The following NELL2 variants were observed in gnomAD, a reference collection of about 807,000 sequenced individuals.
The protein encoded by NELL2 is neural EGFL like 2, also known as protein kinase C-binding protein NELL2.
In NELL2, 41 loss-of-function variants were observed where a neutral mutation model predicts 109.6. The ratio of observed to expected loss-of-function variants is 0.37; its 90% CI spans 0.29 to 0.49. The LOEUF is 0.49. Among genes scored for constraint, NELL2 ranks in the 20% least tolerant of loss-of-function variants. NELL2 has a pLI of 0.98. For synonymous variants in NELL2, 355 were observed against 344.7 expected, an observed-to-expected ratio of 1.03 and a Z score of -0.33; for missense variants, 900 against 1,008.3, an observed-to-expected ratio of 0.89 and a Z score of 1.45.
chr12:44,579,809 G>GA (rs144002970), intron 15 of NELL2, among the ~76,000 whole-genome samples: 3 of 151,848 alleles, frequency 2.0e-5, no homozygotes, highest in South Asian at 2.1e-4. Flanking sequence ...TGTGAGACTA[G>GA]AAAAAAAATC....
At chr12:44,643,309 T>C in intron 13 of NELL2, among the ~76,000 whole-genome samples, 1 of 152,202 alleles carries the variant, frequency 6.6e-6, no homozygotes, top group East Asian at 1.9e-4. Context: ...AGAGCTACAA[T>C]ACCATTCTAA....
chr12:44,803,135 T>C (rs1462718035), intron 3 of NELL2, among the ~76,000 whole-genome samples: 1 of 151,976 alleles, frequency 6.6e-6, no homozygotes, highest in African/African-American at 2.4e-5. Context: ...AAGTAAACAC[T>C]GGACAGACCC....
chr12:44,905,770 T>G (rs183442572), intron 1 of NELL2, among the ~76,000 whole-genome samples: 4 of 152,154 alleles, frequency 2.6e-5, no homozygotes, highest in African/African-American at 9.6e-5. Flanking sequence ...AGGGGGACCT[T>G]TGGTCTGAAT....
At chr12:44,702,805 T>C (rs1049041816) in intron 12 of NELL2, among the ~76,000 whole-genome samples, 1 of 151,458 alleles carries the variant, frequency 6.6e-6, no homozygotes, top group African/African-American at 2.5e-5. Flanking sequence ...ATAAGGATTT[T>C]TAAGAAAAAG....
At chr12:44,852,002 ATC>A (rs1944548501) in intron 2 of NELL2, among the ~76,000 whole-genome samples, 1 of 152,178 alleles carries the variant, frequency 6.6e-6, no homozygotes, top group Admixed American at 6.5e-5. Flanking sequence ...AAAAGCAAGT[ATC>A]TCTGCAAAAA....
At chr12:44,568,997 C>T (rs1237241301) in intron 15 of NELL2, among the ~76,000 whole-genome samples, 5 of 151,910 alleles carry the variant, frequency 3.3e-5, no homozygotes, top group Admixed American at 1.3e-4. Context: ...AAGCCTAGTA[C>T]TCATTAGTTA....
At chr12:44,622,786 C>T (rs1366671810) in intron 13 of NELL2, among the ~76,000 whole-genome samples, 16 of 152,150 alleles carry the variant, frequency 1.1e-4, no homozygotes, top group Non-Finnish European at 1.5e-5. Context: ...TCAGTGTTTT[C>T]ATTCAGGGGC....
In NELL2 at chr12:44,859,279, C is replaced by T. The variant is rs189892827; in HGVS notation, c.184+15946G>A. Among the ~76,000 whole-genome samples the T allele has an allele frequency of 1.1e-3, 169 of 152,314 alleles. 1 individual carries two copies. Among genetic ancestry groups the T allele is most frequent in the African/African-American group, 3.4e-3 (143 of 41,574 alleles). On this transcript the variant is annotated intron_variant, in intron 2 of 19. Coordinates refer to ENST00000429094, the MANE Select transcript of NELL2 (RefSeq NM_001145108.2). ...CAGGAAGGCTGGGTGCAGTGGCTCACGCCTGTAATTCCAGCACTTTACAAG... is the reference window on the plus strand; with the variant it reads ...CAGGAAGGCTGGGTGCAGTGGCTCATGCCTGTAATTCCAGCACTTTACAAG...
intron 11 of NELL2, among the ~76,000 whole-genome samples, chr12:44,706,291 G>A (rs1248382052): frequency 6.6e-6 from 1 of 152,112 alleles, no homozygotes; most frequent in East Asian, 1.9e-4. Context: ...TAAGTTGATT[G>A]AACCTACTGG....
intron 2 of NELL2, among the ~76,000 whole-genome samples, chr12:44,855,060 A>G (rs1398124412): frequency 3.3e-5 from 5 of 152,234 alleles, no homozygotes; most frequent in Admixed American, 2.6e-4. Context: ...TATAACCAAC[A>G]TAAAAATATT....
intron 13 of NELL2, among the ~76,000 whole-genome samples, chr12:44,633,185 A>G (rs1023271176): frequency 3.9e-5 from 6 of 152,140 alleles, no homozygotes; most frequent in Non-Finnish European, 8.8e-5. Context: ...GCAACAGTAT[A>G]AAATGCCAGA....
At chr12:44,591,990 G>A (rs77107181) in intron 15 of NELL2, among the ~76,000 whole-genome samples, 24 of 152,272 alleles carry the variant, frequency 1.6e-4, no homozygotes, top group Non-Finnish European at 3.2e-4. Context: ...GGAGTTGAGA[G>A]CAAGGCAAGG....
Position 44,523,338 on chromosome 12 carries a change from G to T in NELL2, c.1951C>A (p.Gln651Lys). 1 of 1,614,100 alleles carries T rather than the reference G, an allele frequency of 6.2e-7. No individual in the cohort carries two copies. Among genetic ancestry groups the T allele is most frequent in the South Asian group, 1.1e-5 (1 of 91,074 alleles). Residue 651 changes from glutamine to lysine, a missense_variant, in exon 17 of 20, where the codon CAG becomes AAG. This residue lies in a region of NELL2 where 333 missense variants were observed against 432.3 expected (regional missense o/e 0.77). Coordinates refer to ENST00000429094, the MANE Select transcript of NELL2 (RefSeq NM_001145108.2). Reference sequence around the variant, plus strand: ...CTGTCATTTTCCAACACCCAAATCTGACCATTGTGCTTAACTTTTCCATCA... The same window carrying T: ...CTGTCATTTTCCAACACCCAAATCTTACCATTGTGCTTAACTTTTCCATCA... ...IHDGKVKHNG[Q>K]IWVLENDRCS...
intron 3 of NELL2, among the ~76,000 whole-genome samples, chr12:44,797,120 T>C (rs568013045): frequency 1.3e-5 from 2 of 152,108 alleles, no homozygotes; most frequent in South Asian, 2.1e-4. Context: ...GCGGTAGGGG[T>C]AGCCAAAAGA....
intron 15 of NELL2, among the ~76,000 whole-genome samples, chr12:44,541,720 A>G (rs1477459660): frequency 6.6e-6 from 1 of 152,200 alleles, no homozygotes; most frequent in African/African-American, 2.4e-5. Context: ...GGGGTCCCCA[A>G]ACATACTGAA....
In NELL2 at chr12:44,792,595, A is replaced by G. The variant is rs201793856; in HGVS notation, c.336-12573T>C. On this transcript the variant is annotated intron_variant, in intron 3 of 19. Transcript: ENST00000429094. ...TAAGACAAAATAAAATGCATAATACATCAGAGGTTAATATCCACAATATAT... is the reference window on the plus strand; with the variant it reads ...TAAGACAAAATAAAATGCATAATACGTCAGAGGTTAATATCCACAATATAT... Among the ~76,000 whole-genome samples the G allele has an allele frequency of 4.6e-5, 7 of 152,310 alleles. No individual in the cohort carries two copies. The East Asian group carries it at 1.3e-3, about 29-fold the overall frequency.
intron 9 of NELL2, among the ~76,000 whole-genome samples, chr12:44,751,546 G>T (rs940996865): frequency 6.6e-6 from 1 of 151,948 alleles, no homozygotes; most frequent in Non-Finnish European, 1.5e-5. Context: ...AAACATAAAA[G>T]CAAGAACTGA....
At chr12:44,692,137 T>C (rs1023929898) in intron 12 of NELL2, among the ~76,000 whole-genome samples, 2 of 152,076 alleles carry the variant, frequency 1.3e-5, no homozygotes, top group Non-Finnish European at 1.5e-5. Flanking sequence ...CAAGGAGAGG[T>C]TGACTCTCTT....
At chr12:44,872,162 A>G (rs11182728) in intron 2 of NELL2, among the ~76,000 whole-genome samples, 6,056 of 152,200 alleles carry the variant, frequency 0.04, 201 homozygotes, top group East Asian at 0.18. Context: ...AACCTTTCAT[A>G]GGTCTTTTTA....
Sources: gnomAD v4.1 joint callset for allele counts (sites outside exome capture counted in the v4.1 genomes callset) on GRCh38, gnomAD v4.1.1 for gene constraint, gnomAD v4.1.1 regional missense constraint, MANE v1.5 for transcripts, NCBI Gene and HGNC (gene_info 2026-07-23, HGNC 2026-07-21) for gene names.